CAMK1D: variants seen among roughly 807,000 people sequenced by gnomAD.
The protein encoded by CAMK1D is calcium/calmodulin-dependent protein kinase type 1D.
CAMK1D carries 9 observed loss-of-function variants against 47.7 expected under a neutral mutation model. That is an observed-to-expected ratio of 0.19 (90% confidence interval 0.11 to 0.33). The LOEUF is 0.33. Ranked by LOEUF, CAMK1D falls within the 10% of genes least tolerant of loss-of-function variation. The pLI, the probability that CAMK1D is intolerant of heterozygous loss-of-function variation, is 1.00. For synonymous variants in CAMK1D, 184 were observed against 184.9 expected (o/e 0.99, Z 0.04); for missense variants, 291 against 488.7 (o/e 0.60, Z 3.81).
At chr10:12,354,897 G>A (rs371522771) in intron 1 of CAMK1D, among the ~76,000 whole-genome samples, 119 of 149,422 alleles carry the variant, frequency 8.0e-4, no homozygotes, top group Non-Finnish European at 1.5e-3. Context: ...GCTGGAGTGC[G>A]GTGGTGCGAT....
chr10:12,611,588 C>CT (rs71386105), intron 2 of CAMK1D, among the ~76,000 whole-genome samples: 2,500 of 59,846 alleles, frequency 0.042, 357 homozygotes, highest in African/African-American at 0.11. Context: ...TTCAGAATGC[C>CT]TTTTTTTTTT....
intron 1 of CAMK1D, among the ~76,000 whole-genome samples, chr10:12,356,444 G>A (rs932599075): frequency 5.9e-5 from 9 of 152,190 alleles, no homozygotes; most frequent in Non-Finnish European, 1.2e-4. Context: ...GCTCCCCTGG[G>A]GAGGGATTTC....
At chr10:12,579,819 C>T (rs1034369515) in intron 2 of CAMK1D, among the ~76,000 whole-genome samples, 4 of 152,158 alleles carry the variant, frequency 2.6e-5, no homozygotes, top group Non-Finnish European at 4.4e-5. Flanking sequence ...ACTTCTTAAG[C>T]GAGAGGTCGG....
chr10:12,784,857 A>G (rs544454946), intron 5 of CAMK1D, among the ~76,000 whole-genome samples: 1 of 152,330 alleles, frequency 6.6e-6, no homozygotes, highest in Non-Finnish European at 1.5e-5. Context: ...GTTCAGTTGA[A>G]TCACCAAGTG....
chr10:12,514,203 T>C (rs912428248), intron 1 of CAMK1D, among the ~76,000 whole-genome samples: 1 of 152,234 alleles, frequency 6.6e-6, no homozygotes, highest in African/African-American at 2.4e-5. Context: ...ATCTCGCTGC[T>C]TCCACTATGA....
intron 3 of CAMK1D, among the ~76,000 whole-genome samples, chr10:12,732,079 A>G (rs1834914355): frequency 2.0e-5 from 3 of 152,114 alleles, no homozygotes; most frequent in Admixed American, 2.0e-4. Context: ...CCGTCTTACT[A>G]AAAATACAAA....
chr10:12,485,951 C>T lies in CAMK1D; in HGVS notation c.93-67274C>T, dbSNP rs375719245. Among the ~76,000 whole-genome samples the T allele has an allele frequency of 4.8e-4, 73 of 152,250 alleles. 1 individual carries two copies. In the South Asian group the frequency reaches 0.014, roughly 29 times the overall value. ...GGCTCTGGCTACCATGTCACCCAGACGGCCTGATTTGAAGGCAGTTTCCTT... is the reference window on the plus strand; with the variant it reads ...GGCTCTGGCTACCATGTCACCCAGATGGCCTGATTTGAAGGCAGTTTCCTT... On this transcript the variant is annotated intron_variant, in intron 1 of 10. Transcript: ENST00000619168.
Position 12,797,873 on chromosome 10 carries a change from A to G in CAMK1D, c.641+6640A>G, listed in dbSNP as rs535306985. 9.9e-5 allele frequency among the ~76,000 whole-genome samples: 15 copies of G among 152,282 alleles called. No individual in the cohort carries two copies. In the South Asian group the frequency reaches 1.2e-3, roughly 13 times the overall value. On this transcript the variant is annotated intron_variant, in intron 6 of 10. Coordinates refer to ENST00000619168, the MANE Select transcript of CAMK1D (RefSeq NM_153498.4). The stretch of plus-strand genomic sequence containing the variant: ...AGGCATTGTCTGTGACAATTGGTTT[A>G]CTACCTCTAACCCCTCAAAATACTC...
intron 1 of CAMK1D, among the ~76,000 whole-genome samples, chr10:12,369,574 C>T (rs1837946436): frequency 6.6e-6 from 1 of 152,140 alleles, no homozygotes; most frequent in Non-Finnish European, 1.5e-5. Flanking sequence ...CATAGCATTG[C>T]TCAGTGAGTA....
intron 3 of CAMK1D, among the ~76,000 whole-genome samples, chr10:12,719,467 A>C (rs1834287778): frequency 6.6e-6 from 1 of 152,108 alleles, no homozygotes; most frequent in South Asian, 2.1e-4. Flanking sequence ...TCATTTCATG[A>C]ATGCACCACC....
intron 2 of CAMK1D, among the ~76,000 whole-genome samples, chr10:12,567,100 T>C (rs1276384220): frequency 6.6e-6 from 1 of 152,134 alleles, no homozygotes; most frequent in African/African-American, 2.4e-5. Context: ...CAGTTTCTTG[T>C]GAATACAATG....
At chr10:12,510,642 C>T (rs1379266883) in intron 1 of CAMK1D, among the ~76,000 whole-genome samples, 1 of 152,180 alleles carries the variant, frequency 6.6e-6, no homozygotes, top group Non-Finnish European at 1.5e-5. Context: ...AGTGCCACCT[C>T]CGGGACCCCC....
chr10:12,576,735 C>T (rs1837499402), intron 2 of CAMK1D, among the ~76,000 whole-genome samples: 1 of 152,244 alleles, frequency 6.6e-6, no homozygotes, highest in Non-Finnish European at 1.5e-5. Context: ...GGAATGCTCA[C>T]TTGCCTACCA....
intron 1 of CAMK1D, among the ~76,000 whole-genome samples, 173 bp downstream of exon 1, chr10:12,350,083 T>A (rs1413214196): frequency 6.6e-6 from 1 of 151,592 alleles, no homozygotes; most frequent in East Asian, 2.0e-4. Context: ...CGCGTGGGCC[T>A]GCGACCCCCG....
chr10:12,801,363 TATCTATC>T, intron 6 of CAMK1D, among the ~76,000 whole-genome samples: 1 of 99,558 alleles, frequency 1.0e-5, no homozygotes, highest in South Asian at 3.4e-4. Flanking sequence ...CTTATCTATC[TATCTATC>T]TATCTATCTA....
chr10:12,549,006 C>T (rs1391444964), intron 1 of CAMK1D, among the ~76,000 whole-genome samples: 1 of 152,190 alleles, frequency 6.6e-6, no homozygotes, highest in Non-Finnish European at 1.5e-5. Context: ...CAGACATGTG[C>T]CACCACACGC....
chr10:12,757,996 C>T (rs908798974), intron 3 of CAMK1D, among the ~76,000 whole-genome samples: 7 of 152,000 alleles, frequency 4.6e-5, no homozygotes, highest in Non-Finnish European at 7.4e-5. Context: ...GGAGTACCGG[C>T]ACCCGCCATC....
chr10:12,391,516 G>GTT (rs34737342), intron 1 of CAMK1D, among the ~76,000 whole-genome samples: 4 of 151,798 alleles, frequency 2.6e-5, no homozygotes, highest in East Asian at 1.9e-4. Flanking sequence ...CATGCTGACC[G>GTT]TTTTTTTTAA....
At chr10:12,816,057 C>G (rs1355008398) in intron 7 of CAMK1D, among the ~76,000 whole-genome samples, 193 bp from the exon 8 acceptor site, 1 of 152,176 alleles carries the variant, frequency 6.6e-6, no homozygotes, top group Non-Finnish European at 1.5e-5. Flanking sequence ...CTGGGCCACC[C>G]TAGAGTGCCA....
Sources: gnomAD v4.1 joint callset for allele counts (sites outside exome capture counted in the v4.1 genomes callset) on GRCh38, gnomAD v4.1.1 for gene constraint, MANE v1.5 for transcripts, NCBI Gene and HGNC (gene_info 2026-07-23, HGNC 2026-07-21) for gene names.